The following SYNE3 variants were observed in gnomAD, a reference collection of about 807,000 sequenced individuals.
SYNE3 encodes nesprin-3.
SYNE3 carries 100 observed loss-of-function variants against 111.2 expected under a neutral mutation model. The ratio of observed to expected loss-of-function variants is 0.90; its 90% confidence interval spans 0.77 to 1.06. SYNE3 has a LOEUF of 1.06. Among genes scored for constraint, SYNE3 ranks in the 50% least tolerant of loss-of-function variants. The pLI, the probability that SYNE3 is intolerant of heterozygous loss-of-function variation, is 0.00. For missense variants in SYNE3, 1,160 were observed against 1,240.3 expected (o/e 0.94, Z 0.97); for synonymous variants, 547 against 533.9 (o/e 1.02, Z -0.34).
chr14:95,455,435 T>C lies in SYNE3; in HGVS notation c.1079A>G (p.Gln360Arg). 1.3e-6 allele frequency: 2 copies of C among 1,595,348 alleles called. No individual in the cohort carries two copies. The highest frequency in any genetic ancestry group is 1.7e-6 in the Non-Finnish European group (2 of 1,171,196). The stretch of plus-strand genomic sequence containing the variant: ...CTCGGTCCCCGCTTTCGCCGCAGGC[T>C]GCAGGCCCTCCTGGGCCAGCCTCTG... ...VLQRLAQEGL[Q>R]PAAKAGTEDE... The change falls in exon 6 of 18, where the codon CAG becomes CGG. Residue 360 changes from glutamine to arginine, a missense_variant. Transcript: ENST00000682763.
chr14:95,485,917 A>G lies in SYNE3; in HGVS notation c.-14-10082T>C, dbSNP rs951825397. Among the ~76,000 whole-genome samples, 36 of 152,134 alleles carry G rather than the reference A, an allele frequency of 2.4e-4. No homozygotes were observed. Among genetic ancestry groups the G allele is most frequent in the African/African-American group, 8.7e-4 (36 of 41,428 alleles). On this transcript the variant is annotated intron_variant, in intron 1 of 17. Transcript: ENST00000682763. This position sits in a 1 kb window ranked among gnomAD's most constrained non-coding sequence, Gnocchi z 4.3. Reference sequence around the variant, plus strand: ...CCACCTCACCCCTGAGGACCAGCAGAGTCTGATTTGGGACAAGGGTCAGGG... The same window carrying G: ...CCACCTCACCCCTGAGGACCAGCAGGGTCTGATTTGGGACAAGGGTCAGGG...
At chr14:95,430,590 G>A (rs544098537) in intron 17 of SYNE3, among the ~76,000 whole-genome samples, 154 of 152,278 alleles carry the variant, frequency 1.0e-3, no homozygotes, top group Middle Eastern at 3.4e-3. Context: ...TTGGGAGGCC[G>A]AAGAGGGTGG....
chr14:95,442,347 C>A (rs1356120206), intron 11 of SYNE3, among the ~76,000 whole-genome samples: 3 of 152,182 alleles, frequency 2.0e-5, no homozygotes, highest in African/African-American at 7.2e-5. Context: ...CCTTTGATTT[C>A]TCTTTTCTAT....
At chr14:95,483,377 C>T (rs914477906) in intron 1 of SYNE3, among the ~76,000 whole-genome samples, 8 of 152,190 alleles carry the variant, frequency 5.3e-5, no homozygotes, top group Non-Finnish European at 1.5e-5. Flanking sequence ...ACTCACTCGG[C>T]TGTCCTGTGA....
In SYNE3 at chr14:95,425,771, G is replaced by A. The variant is rs1389476145; in HGVS notation, c.2727+6308C>T. On this transcript the variant is annotated intron_variant, in intron 17 of 17. Coordinates refer to ENST00000682763, the MANE Select transcript of SYNE3 (RefSeq NM_152592.6). ...AACCGAAAGCTGCTCAAAAACGAAAGTCTATAAATTCAAAAGAGACTATTG... is the reference window on the plus strand; with the variant it reads ...AACCGAAAGCTGCTCAAAAACGAAAATCTATAAATTCAAAAGAGACTATTG... Among the ~76,000 whole-genome samples the A allele has an allele frequency of 3.3e-5, 5 of 152,196 alleles. No homozygotes were observed. The South Asian group carries it at 1.0e-3, about 32-fold the overall frequency.
At position 95,421,592 on chromosome 14, in the gene SYNE3, C is replaced by T. The variant is rs118006330; in HGVS notation, c.2728-3566G>A. ...AATGTAGGAAGGATAAATGAGGCCACGCATGCTATGCATAAAGTGCACAGT... is the reference window on the plus strand; with the variant it reads ...AATGTAGGAAGGATAAATGAGGCCATGCATGCTATGCATAAAGTGCACAGT... On this transcript the variant is annotated intron_variant, in intron 17 of 17. Coordinates refer to ENST00000682763, the MANE Select transcript of SYNE3 (RefSeq NM_152592.6). Among the ~76,000 whole-genome samples, 1,379 of 152,300 alleles carry T rather than the reference C, an allele frequency of 9.1e-3. 16 individuals are homozygous for T. Among genetic ancestry groups the T allele is most frequent in the Non-Finnish European group, 0.015 (1,022 of 68,022 alleles).
intron 11 of SYNE3, among the ~76,000 whole-genome samples, chr14:95,442,890 T>C (rs1886485059): frequency 6.6e-6 from 1 of 152,210 alleles, no homozygotes; most frequent in South Asian, 2.1e-4. Context: ...TCTACCCAAC[T>C]GGGGCGTAAC....
intron 15 of SYNE3, among the ~76,000 whole-genome samples, chr14:95,436,159 T>C (rs957507452): frequency 5.9e-5 from 9 of 152,152 alleles, no homozygotes; most frequent in Admixed American, 4.6e-4. Context: ...AATATGACTT[T>C]GCCATCCCTT....
At chr14:95,463,012 C>T (rs759580899) in intron 4 of SYNE3, among the ~76,000 whole-genome samples, 2 of 152,026 alleles carry the variant, frequency 1.3e-5, no homozygotes, top group Non-Finnish European at 2.9e-5. Context: ...CAAAATTAGC[C>T]GGGCATGGTG....
chr14:95,416,545 C>T lies in SYNE3; in HGVS notation c.*1281G>A, dbSNP rs1050393891. The T allele has an allele frequency of 3.9e-5, 6 of 152,210 alleles. No individual in the cohort carries two copies. Among genetic ancestry groups the T allele is most frequent in the Admixed American group, 2.6e-4 (4 of 15,276 alleles). The allele number at this position is 152,210 out of a possible 1,614,324, so 9.4% of individuals were successfully genotyped here. On this transcript the variant is annotated 3_prime_UTR_variant, in exon 18 of 18. Coordinates refer to ENST00000682763, the MANE Select transcript of SYNE3 (RefSeq NM_152592.6). ...CAAGGAAGGGATGAGTTTCTGGCCT[C>T]GGGAACTCACATGGAGTCACCGCGG...
chr14:95,442,217 C>G (rs1886452151), intron 11 of SYNE3, among the ~76,000 whole-genome samples: 1 of 152,222 alleles, frequency 6.6e-6, no homozygotes, highest in African/African-American at 2.4e-5. Context: ...GGTTGTGCCA[C>G]CTGACACAGC....
rs139052623 is a variant in SYNE3, at chr14:95,460,023, G to A, written c.628-2685C>T. ...GAGGCAGGAGGATCGCTTGAGCCCA[G>A]GAGGTGGAGGCTGCAGTGAGCTGTG... is the stretch of plus-strand genomic sequence containing the variant. On this transcript the variant is annotated intron_variant, in intron 4 of 17. Coordinates refer to ENST00000682763, the MANE Select transcript of SYNE3 (RefSeq NM_152592.6). Among the ~76,000 whole-genome samples, 502 of 152,162 alleles carry A rather than the reference G, an allele frequency of 3.3e-3. 13 individuals carry two copies. The East Asian group carries it at 0.077, about 23-fold the overall frequency.
At chr14:95,455,894 G>T in intron 5 of SYNE3, 170 bp from the exon 6 acceptor site, 1 of 626,658 alleles carries the variant, frequency 1.6e-6, no homozygotes, top group South Asian at 2.1e-5. Context: ...TAAGTAGCAT[G>T]GACTCACAAC....
chr14:95,432,970 CA>C (rs2139374599), intron 16 of SYNE3, among the ~76,000 whole-genome samples: 1 of 152,286 alleles, frequency 6.6e-6, no homozygotes, highest in East Asian at 1.9e-4. Flanking sequence ...ACGGTGCACA[CA>C]GGGCCCTCGG....
rs746268195 is a variant in SYNE3, at chr14:95,457,218, T to C, written c.748A>G (p.Asn250Asp). Residue 250 changes from asparagine (N) to aspartate (D), a missense_variant, in exon 5 of 18, where the codon AAC becomes GAC. By Grantham distance (23) the Asn-to-Asp change is conservative (BLOSUM62 1). Coordinates refer to ENST00000682763, the MANE Select transcript of SYNE3 (RefSeq NM_152592.6). Reference sequence around the variant, plus strand: ...CGCTGCGTGATGGGCAGCTTGCAGTTCCGCCCCAGGCAGCCATTCACCTTC... The same window carrying C: ...CGCTGCGTGATGGGCAGCTTGCAGTCCCGCCCCAGGCAGCCATTCACCTTC... ...VEKVNGCLGR[N>D]CKLPITQRLS... The C allele has an allele frequency of 1.2e-6, 2 of 1,613,952 alleles. No individual in the cohort carries two copies. Among genetic ancestry groups the C allele is most frequent in the East Asian group, 2.2e-5 (1 of 44,880 alleles).
rs77781443 is a variant in SYNE3, at chr14:95,477,698, C to T, written c.-14-1863G>A. 2.0e-4 allele frequency among the ~76,000 whole-genome samples: 30 copies of T among 152,294 alleles called. No individual in the cohort carries two copies. In the East Asian group the frequency reaches 3.1e-3, roughly 16 times the overall value. ...CGTAGCGGGCTGTGCTCTGGAAACCCGTCCTGTGATTCTCCCAGTGAGTTG... is the reference window on the plus strand; with the variant it reads ...CGTAGCGGGCTGTGCTCTGGAAACCTGTCCTGTGATTCTCCCAGTGAGTTG... On this transcript the variant is annotated intron_variant, in intron 1 of 17. Coordinates refer to ENST00000682763, the MANE Select transcript of SYNE3 (RefSeq NM_152592.6).
intron 2 of SYNE3, among the ~76,000 whole-genome samples, chr14:95,473,138 AAAT>A (rs1168273662): frequency 5.3e-5 from 8 of 152,124 alleles, no homozygotes; most frequent in Non-Finnish European, 1.0e-4. Context: ...AACACACAGT[AAAT>A]GAAGCATGCC....
At chr14:95,506,099 A>C (rs1318251165) in intron 1 of SYNE3, among the ~76,000 whole-genome samples, 2 of 152,214 alleles carry the variant, frequency 1.3e-5, no homozygotes, top group Non-Finnish European at 2.9e-5. Flanking sequence ...AGGGGAGATA[A>C]AGAGATGAAG....
chr14:95,446,664 A>C (rs932849885), intron 8 of SYNE3, among the ~76,000 whole-genome samples: 3 of 152,182 alleles, frequency 2.0e-5, no homozygotes, highest in African/African-American at 7.2e-5. Context: ...GGCTTCCCAG[A>C]GGAGGTGATA....
Sources: gnomAD v4.1 joint callset for allele counts (sites outside exome capture counted in the v4.1 genomes callset) on GRCh38, gnomAD v4.1.1 for gene constraint, Gnocchi (gnomAD v3.1) non-coding constraint, MANE v1.5 for transcripts, NCBI Gene and HGNC (gene_info 2026-07-23, HGNC 2026-07-21) for gene names.